Variants in SOX5 observed in about 807,000 individuals in gnomAD.
SOX5 encodes SRY-box transcription factor 5.
A neutral mutation model predicts 92.0 loss-of-function variants in SOX5; 9 were observed. The observed-to-expected ratio is 0.10, with a 90% CI of 0.06 to 0.17. The LOEUF (loss-of-function observed/expected upper bound fraction) is 0.17. SOX5 is among the 10% of genes least tolerant of loss of function. The pLI is 1.00. For missense variants in SOX5, 642 were observed against 944.5 expected (o/e 0.68, Z 4.20); for synonymous variants, 344 against 336.3 (o/e 1.02, Z -0.25).
At chr12:24,370,346 A>G (rs949124010) in intron 1 of SOX5, among the ~76,000 whole-genome samples, 6 of 152,064 alleles carry the variant, frequency 3.9e-5, no homozygotes, top group African/African-American at 7.2e-5. Context: ...GCGTGGTGGC[A>G]GGCCCCTGTA....
In SOX5 at chr12:23,734,687, G is replaced by T. The variant is rs749574255; in HGVS notation, c.807C>A (p.Ile269=). 12 of 1,608,688 alleles carry T rather than the reference G, an allele frequency of 7.5e-6. 1 individual carries two copies. In the East Asian group the frequency reaches 2.5e-4, roughly 33 times the overall value. Residue 269 remains isoleucine, a synonymous_variant, in exon 6 of 15, where the codon ATC becomes ATA. Coordinates refer to ENST00000451604, the MANE Select transcript of SOX5 (RefSeq NM_006940.6). ...TATTGAAATTATGATTTCTGACCTG[G>T]ATCTGTTGCTGGAGCAAATTGATTT... The part of the protein sequence containing the change: ...QHKINLLQQQ[I]QVQGQLPPLM...
At chr12:24,396,901 T>C (rs1960164412) in intron 1 of SOX5, among the ~76,000 whole-genome samples, 1 of 152,224 alleles carries the variant, frequency 6.6e-6, no homozygotes. Flanking sequence ...AGTACTGCTC[T>C]ATAACAAGGA....
At position 23,622,014 on chromosome 12, in the gene SOX5, G is replaced by A. The variant is rs541782092; in HGVS notation, c.1018-17481C>T. 6.6e-5 allele frequency among the ~76,000 whole-genome samples: 10 copies of A among 152,228 alleles called. No individual in the cohort carries two copies. In the South Asian group the frequency reaches 1.9e-3, roughly 28 times the overall value. ...ACCCCAACCTAAATGACCTTTGGAT[G>A]TGACAAGAGTTTTAGGTCAGCCTTG... On this transcript the variant is annotated intron_variant, in intron 8 of 14. Coordinates refer to ENST00000451604, the MANE Select transcript of SOX5 (RefSeq NM_006940.6).
chr12:23,995,397 A>T (rs1191872487), intron 4 of SOX5, among the ~76,000 whole-genome samples: 1 of 152,182 alleles, frequency 6.6e-6, no homozygotes, highest in East Asian at 1.9e-4. Flanking sequence ...AACATGAATT[A>T]TTAAGATAGT....
Position 23,533,909 on chromosome 12 carries a change from TA to T in SOX5, c.*309del, listed in dbSNP as rs201455508. 0.066 allele frequency: 12,645 copies of T among 192,776 alleles called. 8 individuals are homozygous for T. The highest frequency in any genetic ancestry group is 0.11 in the South Asian group (946 of 8,638). 11.9% of individuals were successfully genotyped at this position (192,776 alleles called of 1,614,324 possible). On this transcript the variant is annotated 3_prime_UTR_variant, in exon 15 of 15. Coordinates refer to ENST00000451604, the MANE Select transcript of SOX5 (RefSeq NM_006940.6). The stretch of plus-strand genomic sequence containing the variant: ...AGAACAAACAGCCATAAAGTTTATT[TA>T]AAAAAAAAAAAAAGTTGACGGGTAA...
At chr12:23,874,088 A>G (rs1445747136) in intron 2 of SOX5, among the ~76,000 whole-genome samples, 1 of 152,226 alleles carries the variant, frequency 6.6e-6, no homozygotes, top group Non-Finnish European at 1.5e-5. Flanking sequence ...AAATCAAGGA[A>G]TAAAAAATAA....
At position 24,113,772 on chromosome 12, in the gene SOX5, G is replaced by A. The variant is rs562721109; in HGVS notation, c.-2+99571C>T. Among the ~76,000 whole-genome samples the A allele has an allele frequency of 2.6e-5, 4 of 152,204 alleles. No homozygotes were observed. In the South Asian group the frequency reaches 8.3e-4, roughly 32 times the overall value. On this transcript the variant is annotated intron_variant, in intron 4 of 4. Coordinates refer to the SOX5 transcript ENST00000446891. ...GCAAGAGCCAAGAAGCGGCTAAAACGGAAAAAGCAACTGGGTGCCCTGTTA... is the reference window on the plus strand; with the variant it reads ...GCAAGAGCCAAGAAGCGGCTAAAACAGAAAAAGCAACTGGGTGCCCTGTTA...
chr12:23,804,915 T>TTTA (rs1168376435), intron 3 of SOX5, among the ~76,000 whole-genome samples: 5 of 75,062 alleles, frequency 6.7e-5, no homozygotes, highest in African/African-American at 2.6e-4. Flanking sequence ...TATCATTGTT[T>TTTA]TATATATATA....
chr12:24,265,018 G>C (rs1308146587), intron 3 of SOX5, among the ~76,000 whole-genome samples: 2 of 152,198 alleles, frequency 1.3e-5, no homozygotes, highest in African/African-American at 4.8e-5. Flanking sequence ...AAAGCCTGCT[G>C]TCTCCAGAAG....
At chr12:23,720,133 G>T (rs2092732752) in intron 6 of SOX5, among the ~76,000 whole-genome samples, 1 of 152,152 alleles carries the variant, frequency 6.6e-6, no homozygotes, top group African/African-American at 2.4e-5. Flanking sequence ...TTGCTTTCCT[G>T]TTCTCTTATG....
At chr12:24,192,806 T>C (rs1049948360) in intron 4 of SOX5, among the ~76,000 whole-genome samples, 3 of 152,174 alleles carry the variant, frequency 2.0e-5, no homozygotes, top group Non-Finnish European at 4.4e-5. Context: ...GTCATTCATC[T>C]TCCCTGTCCT....
chr12:24,426,684 T>A (rs535515028), intron 1 of SOX5, among the ~76,000 whole-genome samples: 1 of 152,310 alleles, frequency 6.6e-6, no homozygotes, highest in African/African-American at 2.4e-5. Flanking sequence ...GAATTTCATA[T>A]CTTAGTCTTC....
At chr12:24,015,933 A>T (rs1184511706) in intron 4 of SOX5, among the ~76,000 whole-genome samples, 24 of 152,238 alleles carry the variant, frequency 1.6e-4, no homozygotes, top group Non-Finnish European at 5.9e-5. Flanking sequence ...AAAAAAAAAA[A>T]AAATCACAGT....
intron 2 of SOX5, among the ~76,000 whole-genome samples, chr12:24,311,666 A>G (rs1346855500): frequency 6.6e-6 from 1 of 152,228 alleles, no homozygotes; most frequent in Non-Finnish European, 1.5e-5. Context: ...TCAAGCTGCT[A>G]GTAGAAATGC....
intron 4 of SOX5, among the ~76,000 whole-genome samples, chr12:24,112,778 T>C (rs1947524136): frequency 6.6e-6 from 1 of 151,800 alleles, no homozygotes; most frequent in Non-Finnish European, 1.5e-5. Flanking sequence ...TCAAGCAATC[T>C]GCCTACCCAC....
intron 4 of SOX5, among the ~76,000 whole-genome samples, chr12:24,115,279 C>G (rs1051482763): frequency 2.6e-4 from 39 of 152,278 alleles, no homozygotes; most frequent in African/African-American, 9.4e-4. Flanking sequence ...AGAGAAACAA[C>G]TAGTCTTGAT....
chr12:24,256,480 G>C (rs1941190395), intron 3 of SOX5, among the ~76,000 whole-genome samples: 1 of 152,146 alleles, frequency 6.6e-6, no homozygotes. Flanking sequence ...CTTTTCCCGG[G>C]CCCTTCTCCT....
chr12:23,721,903 T>C (rs994020432), intron 6 of SOX5, among the ~76,000 whole-genome samples: 6 of 152,206 alleles, frequency 3.9e-5, no homozygotes, highest in Non-Finnish European at 7.3e-5. Context: ...CGAGGATATA[T>C]GAATGGACAG....
chr12:23,742,016 A>T (rs933010267), intron 4 of SOX5, among the ~76,000 whole-genome samples: 1 of 152,174 alleles, frequency 6.6e-6, no homozygotes, highest in Admixed American at 6.5e-5. Context: ...ATAAAGTACT[A>T]CCAGTAGGAG....
Sources: gnomAD v4.1 joint callset for allele counts (sites outside exome capture counted in the v4.1 genomes callset) on GRCh38, gnomAD v4.1.1 for gene constraint, MANE v1.5 for transcripts, NCBI Gene and HGNC (gene_info 2026-07-23, HGNC 2026-07-21) for gene names.